Variants in UBASH3B observed in about 807,000 individuals in gnomAD.
UBASH3B encodes ubiquitin-associated and SH3 domain-containing protein B.
UBASH3B carries 37 observed loss-of-function variants against 83.4 expected under a neutral mutation model. The observed-to-expected ratio is 0.44, with a 90% CI of 0.34 to 0.58. The LOEUF (loss-of-function observed/expected upper bound fraction) is 0.58, where lower values mean the gene tolerates loss of function less well. Ranked by LOEUF, UBASH3B falls within the 20% of genes least tolerant of loss-of-function variation. UBASH3B has a pLI of 0.01. For missense variants in UBASH3B, 657 were observed against 827.2 expected (o/e 0.79, Z 2.52); for synonymous variants, 304 against 318.3 (o/e 0.96, Z 0.48).
intron 6 of UBASH3B, among the ~76,000 whole-genome samples, chr11:122,793,256 G>A (rs1181540395): frequency 2.0e-5 from 3 of 152,020 alleles, no homozygotes; most frequent in Non-Finnish European, 4.4e-5. Context: ...GGTGACGCAC[G>A]CCTGTAATCC....
Position 122,656,158 on chromosome 11 carries a change from C to A in UBASH3B, c.109C>A (p.His37Asn). 1 of 1,577,418 alleles carries A rather than the reference C, an allele frequency of 6.3e-7. No individual in the cohort carries two copies. Among genetic ancestry groups the A allele is most frequent in the South Asian group, 1.2e-5 (1 of 86,054 alleles). ...NRQQRPGTIK[H>N]GSALDVLLSM... ...CCAACAGCGCCCCGGCACCATCAAGCATGGATCGGCGCTGGACGTGCTCCT... is the reference window on the plus strand; with the variant it reads ...CCAACAGCGCCCCGGCACCATCAAGAATGGATCGGCGCTGGACGTGCTCCT... Residue 37 changes from histidine to asparagine, a missense_variant, in exon 1 of 14, where the codon CAT becomes AAT. Physicochemically the swap from His to Asn is moderately conservative, Grantham distance 68 (BLOSUM62 1). This residue lies in a region of UBASH3B where 78 missense variants were observed against 68.4 expected (regional missense o/e 1.14). Transcript: ENST00000284273.
chr11:122,675,252 G>A (rs1304663730), intron 1 of UBASH3B, among the ~76,000 whole-genome samples: 2 of 152,206 alleles, frequency 1.3e-5, no homozygotes, highest in Admixed American at 6.5e-5. Flanking sequence ...CACCCTGACT[G>A]GCAAATAAGC....
chr11:122,678,328 C>T (rs1168950212), intron 1 of UBASH3B, among the ~76,000 whole-genome samples: 1 of 152,184 alleles, frequency 6.6e-6, no homozygotes, highest in Non-Finnish European at 1.5e-5. Flanking sequence ...TGTCAGCTAG[C>T]AGGGGTCACA....
intron 2 of UBASH3B, among the ~76,000 whole-genome samples, 194 bp from the exon 3 acceptor site, chr11:122,776,830 C>CAGA (rs1354431055): frequency 6.6e-6 from 1 of 152,138 alleles, no homozygotes; most frequent in East Asian, 1.9e-4. Flanking sequence ...AGAAGGAAGA[C>CAGA]AGAAGTTGCT....
At chr11:122,795,813 G>T (rs1275757114) in intron 7 of UBASH3B, among the ~76,000 whole-genome samples, 1 of 152,192 alleles carries the variant, frequency 6.6e-6, no homozygotes, top group East Asian at 1.9e-4. Context: ...CCCACTAGAT[G>T]GCTCTCTCTA....
intron 4 of UBASH3B, among the ~76,000 whole-genome samples, chr11:122,780,340 G>A (rs895358211): frequency 6.6e-6 from 1 of 152,210 alleles, no homozygotes; most frequent in African/African-American, 2.4e-5. Flanking sequence ...TTAGCTTAAG[G>A]GGGTGCTCAA....
At chr11:122,720,525 T>G (rs7932902) in intron 1 of UBASH3B, among the ~76,000 whole-genome samples, 1 of 152,132 alleles carries the variant, frequency 6.6e-6, no homozygotes, top group Non-Finnish European at 1.5e-5. Flanking sequence ...ACGTTCTCTG[T>G]GTTACAAAGT....
At chr11:122,723,868 G>T (rs1860684844) in intron 1 of UBASH3B, among the ~76,000 whole-genome samples, 1 of 152,236 alleles carries the variant, frequency 6.6e-6, no homozygotes, top group Admixed American at 6.5e-5. Flanking sequence ...AACTTTGAGT[G>T]GATTTTCTGG....
chr11:122,700,717 G>C (rs985813368), intron 1 of UBASH3B, among the ~76,000 whole-genome samples: 2 of 152,116 alleles, frequency 1.3e-5, no homozygotes, highest in Non-Finnish European at 2.9e-5. Context: ...AGCTGGTCTT[G>C]AACTCCTGGC....
intron 1 of UBASH3B, among the ~76,000 whole-genome samples, chr11:122,678,393 C>T (rs1206249696): frequency 6.6e-6 from 1 of 152,180 alleles, no homozygotes; most frequent in Non-Finnish European, 1.5e-5. Context: ...CAGCCTAGAT[C>T]TGTCTGGCTG....
intron 5 of UBASH3B, among the ~76,000 whole-genome samples, chr11:122,784,214 G>A (rs566159145): frequency 1.1e-4 from 17 of 152,144 alleles, no homozygotes; most frequent in Non-Finnish European, 1.8e-4. Context: ...GATTACAAGC[G>A]TGAGCCGCAG....
At chr11:122,729,795 CAAAAAAA>C (rs71054092) in intron 1 of UBASH3B, among the ~76,000 whole-genome samples, 2 of 40,882 alleles carry the variant, frequency 4.9e-5, no homozygotes, top group Non-Finnish European at 8.1e-5. Context: ...CCTATCTCTA[CAAAAAAA>C]AAAAAAAAAA....
Position 122,806,448 on chromosome 11 carries a change from C to A in UBASH3B, c.1634C>A (p.Ser545Tyr). 1 of 1,604,190 alleles carries A rather than the reference C, an allele frequency of 6.2e-7. No individual in the cohort carries two copies. Among genetic ancestry groups the A allele is most frequent in the Non-Finnish European group, 8.5e-7 (1 of 1,177,172 alleles). ...IPISKLVVSE[S>Y]YDTYISRSFQ... ...ATCAGCAAATTAGTTGTTTCAGAATCCTATGATACTTATATCAGTAGAAGT... is the reference window on the plus strand; with the variant it reads ...ATCAGCAAATTAGTTGTTTCAGAATACTATGATACTTATATCAGTAGAAGT... Residue 545 changes from serine (S) to tyrosine (Y), a missense_variant, in exon 12 of 14, where the codon TCC becomes TAC. Physicochemically the swap from Ser to Tyr is moderately radical, Grantham distance 144. Transcript: ENST00000284273. This position sits in a 1 kb window ranked among gnomAD's most constrained non-coding sequence, Gnocchi z 4.0.
chr11:122,729,399 G>T (rs1860800425), intron 1 of UBASH3B, among the ~76,000 whole-genome samples: 1 of 152,148 alleles, frequency 6.6e-6, no homozygotes, highest in Admixed American at 6.5e-5. Context: ...CTGAAGTCAG[G>T]ACCTTCATTG....
At chr11:122,800,733 T>G (rs1257583571) in intron 10 of UBASH3B, among the ~76,000 whole-genome samples, 1 of 151,966 alleles carries the variant, frequency 6.6e-6, no homozygotes, top group Non-Finnish European at 1.5e-5. Context: ...CTCAGCCTCC[T>G]GAGTGCTGGG....
chr11:122,656,129 A>T lies in UBASH3B; in HGVS notation c.80A>T (p.Asn27Ile). ...TACAGCAAAGTCACCCCCCGGAGGA[A>T]CCGCCAACAGCGCCCCGGCACCATC... The part of the protein sequence containing the change: ...ELYSKVTPRR[N>I]RQQRPGTIKH... The change falls in exon 1 of 14, where the codon AAC (asparagine) becomes ATC (isoleucine). Residue 27 changes from asparagine to isoleucine, a missense_variant. Physicochemically the swap from Asn to Ile is moderately radical, Grantham distance 149. Coordinates refer to ENST00000284273, the MANE Select transcript of UBASH3B (RefSeq NM_032873.5). 6.3e-7 allele frequency: 1 copy of T among 1,596,314 alleles called. No individual in the cohort carries two copies. Among genetic ancestry groups the T allele is most frequent in the Non-Finnish European group, 8.5e-7 (1 of 1,172,686 alleles).
intron 11 of UBASH3B, among the ~76,000 whole-genome samples, chr11:122,802,313 G>GAAAAAAAAAAAAAAAAAAA (rs147011358): frequency 1.5e-5 from 1 of 66,220 alleles, no homozygotes; most frequent in African/African-American, 5.2e-5. Context: ...GACTCTGTCT[G>GAAAAAAAAAAAAAAAAAAA]AAAAAAAAAA....
chr11:122,666,179 T>C (rs541395629), intron 1 of UBASH3B, among the ~76,000 whole-genome samples: 3 of 152,358 alleles, frequency 2.0e-5, no homozygotes, highest in South Asian at 4.1e-4. Context: ...TTCTTGGTGA[T>C]TCAGGTAGCA....
intron 1 of UBASH3B, among the ~76,000 whole-genome samples, chr11:122,696,138 C>G (rs577242922): frequency 6.6e-6 from 1 of 151,490 alleles, no homozygotes; most frequent in African/African-American, 2.4e-5. Context: ...TTAGTAGAGA[C>G]GGGGTTTCAC....
Sources: allele counts gnomAD v4.1 joint callset (sites outside exome capture counted in the v4.1 genomes callset), GRCh38; gene constraint gnomAD v4.1.1; regional missense constraint gnomAD v4.1.1; non-coding constraint Gnocchi (gnomAD v3.1); transcripts MANE v1.5; gene names NCBI Gene and HGNC (gene_info 2026-07-23, HGNC 2026-07-21).